Variants in RYR2 observed in about 807,000 individuals in gnomAD.
The protein encoded by RYR2 is ryanodine receptor 2.
Under a neutral mutation model 601.1 loss-of-function variants are expected in RYR2, and 227 were observed. The observed-to-expected ratio is 0.38, with a 90% CI of 0.34 to 0.42. RYR2 has a LOEUF of 0.42. Among genes scored for constraint, RYR2 ranks in the 10% least tolerant of loss-of-function variants. RYR2 has a pLI of 1.00. For missense variants in RYR2, 4,646 were observed against 6,156.5 expected, an observed-to-expected ratio of 0.75 and a Z score of 8.21; for synonymous variants, 2,223 against 2,175.1, an observed-to-expected ratio of 1.02 and a Z score of -0.61.
chr1:237,633,504 G>A, intron 42 of RYR2, 74 bp from the exon 43 acceptor site: 4 of 1,569,504 alleles, frequency 2.5e-6, no homozygotes, highest in Non-Finnish European at 3.5e-6. Flanking sequence ...CGATGTGATT[G>A]AGACCTCAAC....
At chr1:237,197,649 G>C (rs1488159491) in intron 1 of RYR2, among the ~76,000 whole-genome samples, 4 of 152,204 alleles carry the variant, frequency 2.6e-5, no homozygotes, top group Non-Finnish European at 5.9e-5. Flanking sequence ...TCATCCTGTA[G>C]GAATGAGGGT....
At chr1:237,048,165 G>T (rs187808448) in intron 1 of RYR2, among the ~76,000 whole-genome samples, 2 of 152,260 alleles carry the variant, frequency 1.3e-5, no homozygotes, top group Non-Finnish European at 1.5e-5. Flanking sequence ...TGTGGCTGTG[G>T]CTCCAGTGTG....
chr1:237,768,531 A>G (rs1694021894), intron 84 of RYR2, among the ~76,000 whole-genome samples: 2 of 152,198 alleles, frequency 1.3e-5, no homozygotes, highest in Admixed American at 1.3e-4. Flanking sequence ...CACAATATGT[A>G]CCTTGAGCCC....
chr1:237,614,295 A>G lies in RYR2; in HGVS notation c.5167A>G (p.Asn1723Asp). The G allele has an allele frequency of 6.2e-7, 1 of 1,614,038 alleles. No individual in the cohort carries two copies. The highest frequency in any genetic ancestry group is 8.5e-7 in the Non-Finnish European group (1 of 1,179,904). Residue 1723 changes from asparagine to aspartate, a missense_variant, in exon 37 of 105, where the codon AAC becomes GAC. Asn to Asp is a conservative substitution (Grantham distance 23, BLOSUM62 1). Around this residue, in one of 17 missense-constraint regions of RYR2, gnomAD observed 1,807 missense variants for 2,088.1 expected, o/e 0.87. Transcript: ENST00000366574. The surrounding 1 kb of genome is among the most constrained non-coding windows in gnomAD (Gnocchi z 4.3). The stretch of plus-strand genomic sequence containing the variant: ...TGCCACTGCCAGGCTCATGATGAAC[A>G]ACGAGTACATTGTCCCCATGACGGA... ...SYATARLMMN[N>D]EYIVPMTEET... is the part of the protein sequence containing the mutation.
At chr1:237,345,304 T>C (rs1698196449) in intron 3 of RYR2, among the ~76,000 whole-genome samples, 1 of 152,068 alleles carries the variant, frequency 6.6e-6, no homozygotes, top group African/African-American at 2.4e-5. Flanking sequence ...TATTCCTCTG[T>C]GTACCTGCCA....
At chr1:237,534,263 G>A (rs891723833) in intron 25 of RYR2, among the ~76,000 whole-genome samples, 6 of 151,912 alleles carry the variant, frequency 3.9e-5, no homozygotes, top group African/African-American at 1.4e-4. Context: ...GAGAAAACAA[G>A]CATCATGCTA....
At chr1:237,322,864 T>TTA (rs1553401126) in intron 2 of RYR2, among the ~76,000 whole-genome samples, 4 of 147,644 alleles carry the variant, frequency 2.7e-5, no homozygotes, top group African/African-American at 5.0e-5. Context: ...AATTTTTTTT[T>TTA]AAAAAAAAAA....
At chr1:237,536,802 C>A (rs1197443134) in intron 25 of RYR2, among the ~76,000 whole-genome samples, 2 of 148,772 alleles carry the variant, frequency 1.3e-5, no homozygotes, top group African/African-American at 5.0e-5. Flanking sequence ...AGGAGAATGG[C>A]GTGAACCCGG....
chr1:237,164,192 C>T (rs148491426), intron 1 of RYR2, among the ~76,000 whole-genome samples: 2 of 152,268 alleles, frequency 1.3e-5, no homozygotes, highest in Middle Eastern at 3.4e-3. Context: ...GTGGCTGAGG[C>T]GAGAGAATCG....
chr1:237,407,609 G>GTTT (rs35247530), intron 10 of RYR2, among the ~76,000 whole-genome samples: 2 of 118,884 alleles, frequency 1.7e-5, no homozygotes, highest in African/African-American at 3.0e-5. Flanking sequence ...AATTGTGGTT[G>GTTT]TTTTTTTTTT....
chr1:237,324,339 A>G (rs957847045), intron 2 of RYR2, among the ~76,000 whole-genome samples: 1 of 152,206 alleles, frequency 6.6e-6, no homozygotes, highest in East Asian at 1.9e-4. Context: ...TTCGGAGGAC[A>G]TAGAATTTGA....
intron 10 of RYR2, among the ~76,000 whole-genome samples, chr1:237,392,359 A>G (rs1322381931): frequency 6.6e-6 from 1 of 152,166 alleles, no homozygotes; most frequent in Non-Finnish European, 1.5e-5. Flanking sequence ...CAGTGCCTGA[A>G]GTGATGGATC....
At chr1:237,233,632 T>C (rs1685229611) in intron 1 of RYR2, among the ~76,000 whole-genome samples, 1 of 152,132 alleles carries the variant, frequency 6.6e-6, no homozygotes, top group African/African-American at 2.4e-5. Flanking sequence ...TAATGGCTAT[T>C]AGTTTTGCTA....
intron 29 of RYR2, among the ~76,000 whole-genome samples, chr1:237,589,015 A>G (rs190446097): frequency 1.3e-5 from 2 of 152,330 alleles, no homozygotes; most frequent in Non-Finnish European, 2.9e-5. Context: ...CAAAAGAGGA[A>G]AGATTTGCTA....
intron 1 of RYR2, among the ~76,000 whole-genome samples, chr1:237,057,565 A>G (rs1028848098): frequency 6.6e-6 from 1 of 152,168 alleles, no homozygotes; most frequent in African/African-American, 2.4e-5. Context: ...AGAGACCCAG[A>G]AGCAACAGAG....
intron 12 of RYR2, among the ~76,000 whole-genome samples, chr1:237,435,101 C>G (rs1707210665): frequency 6.6e-6 from 1 of 152,126 alleles, no homozygotes; most frequent in African/African-American, 2.4e-5. Context: ...GACATTTTTA[C>G]TATATTATTT....
chr1:237,605,803 A>T (rs1478531133), intron 35 of RYR2, among the ~76,000 whole-genome samples: 1 of 152,084 alleles, frequency 6.6e-6, no homozygotes, highest in Non-Finnish European at 1.5e-5. Flanking sequence ...ATCATGAGTG[A>T]ACTCCCATTC....
At chr1:237,516,753 A>C (rs1666590585) in intron 24 of RYR2, among the ~76,000 whole-genome samples, 1 of 152,116 alleles carries the variant, frequency 6.6e-6, no homozygotes, top group Non-Finnish European at 1.5e-5. Flanking sequence ...GGAACCTGGG[A>C]ATCACCTTTG....
intron 1 of RYR2, among the ~76,000 whole-genome samples, chr1:237,087,184 C>A (rs2148436914): frequency 6.6e-6 from 1 of 152,308 alleles, no homozygotes; most frequent in Middle Eastern, 3.4e-3. Context: ...TCATTAGTTG[C>A]TGGTGCTTCC....
Sources: allele counts gnomAD v4.1 joint callset (sites outside exome capture counted in the v4.1 genomes callset), GRCh38; gene constraint gnomAD v4.1.1; regional missense constraint gnomAD v4.1.1; non-coding constraint Gnocchi (gnomAD v3.1); transcripts MANE v1.5; gene names NCBI Gene and HGNC (gene_info 2026-07-23, HGNC 2026-07-21).